NAALADL2: variants seen among roughly 807,000 people sequenced by gnomAD.
NAALADL2 encodes N-acetylated alpha-linked acidic dipeptidase like 2.
A neutral mutation model predicts 87.2 loss-of-function variants in NAALADL2; 76 were observed. That is an observed-to-expected ratio of 0.87 (90% CI 0.72 to 1.05). The LOEUF (loss-of-function observed/expected upper bound fraction) is 1.05, where lower values mean the gene tolerates loss of function less well. Among genes scored for constraint, NAALADL2 ranks in the 50% least tolerant of loss-of-function variants. The pLI is 0.00. For missense variants in NAALADL2, 1,089 were observed against 945.8 expected (o/e 1.15, Z -1.99); for synonymous variants, 354 against 331.0 (o/e 1.07, Z -0.75).
chr3:175,154,864 C>T (rs1732067277), intron 2 of NAALADL2, among the ~76,000 whole-genome samples: 1 of 152,014 alleles, frequency 6.6e-6, no homozygotes, highest in African/African-American at 2.4e-5. Context: ...GGATTTGTAG[C>T]AAATCACAGT....
chr3:174,447,002 AC>A (rs1436069752), intron 1 of NAALADL2, among the ~76,000 whole-genome samples: 3 of 152,128 alleles, frequency 2.0e-5, no homozygotes, highest in Non-Finnish European at 2.9e-5. Context: ...AAAAATAATA[AC>A]AAGGTATCTT....
At chr3:175,498,795 CA>C (rs938009553) in intron 9 of NAALADL2, among the ~76,000 whole-genome samples, 6 of 152,046 alleles carry the variant, frequency 3.9e-5, no homozygotes, top group African/African-American at 1.4e-4. Context: ...TCCTAACCCA[CA>C]GTACCCCAGA....
At chr3:174,598,271 G>C (rs1718109532) in intron 2 of NAALADL2, among the ~76,000 whole-genome samples, 1 of 152,036 alleles carries the variant, frequency 6.6e-6, no homozygotes, top group South Asian at 2.1e-4. Flanking sequence ...ATTTTTAAAA[G>C]GTCTGGTCAT....
intron 2 of NAALADL2, among the ~76,000 whole-genome samples, chr3:174,718,127 A>G (rs1239096220): frequency 6.6e-6 from 1 of 152,160 alleles, no homozygotes; most frequent in African/African-American, 2.4e-5. Flanking sequence ...AAACAAACAA[A>G]CAAACAAAAA....
chr3:175,262,575 AGTGTGTGTGT>A (rs71164625), intron 4 of NAALADL2, among the ~76,000 whole-genome samples: 42 of 147,116 alleles, frequency 2.9e-4, no homozygotes, highest in Admixed American at 1.7e-3. Flanking sequence ...ATGTTGTGTG[AGTGTGTGTGT>A]GTGTGTGTGT....
intron 2 of NAALADL2, among the ~76,000 whole-genome samples, chr3:174,725,752 AT>A (rs1184618411): frequency 6.6e-6 from 1 of 152,224 alleles, no homozygotes. Flanking sequence ...TGCCAGAAAC[AT>A]TTCAGAAATG....
At chr3:175,113,058 C>CT (rs1724474924) in intron 2 of NAALADL2, among the ~76,000 whole-genome samples, 1 of 151,534 alleles carries the variant, frequency 6.6e-6, no homozygotes, top group South Asian at 2.1e-4. Context: ...AAAATATCAG[C>CT]TTTCAGAAGT....
intron 2 of NAALADL2, among the ~76,000 whole-genome samples, chr3:175,228,279 C>T (rs1307902694): frequency 1.3e-5 from 2 of 151,896 alleles, no homozygotes; most frequent in Admixed American, 1.3e-4. Flanking sequence ...GTGGAAGAAA[C>T]AGCTTAGGCC....
chr3:175,276,297 A>ATTTT (rs10645974), intron 4 of NAALADL2, among the ~76,000 whole-genome samples: 67 of 133,548 alleles, frequency 5.0e-4, no homozygotes, highest in African/African-American at 8.8e-4. Context: ...CGCTTTGCAA[A>ATTTT]TTTTTTTTTT....
intron 1 of NAALADL2, among the ~76,000 whole-genome samples, chr3:174,972,116 A>G (rs1478523207): frequency 6.6e-6 from 1 of 152,074 alleles, no homozygotes; most frequent in Admixed American, 6.5e-5. Flanking sequence ...TCTTACTCAC[A>G]GAAACTTTTC....
At chr3:174,942,984 T>C (rs1191846850) in intron 1 of NAALADL2, among the ~76,000 whole-genome samples, 1 of 152,224 alleles carries the variant, frequency 6.6e-6, no homozygotes, top group Non-Finnish European at 1.5e-5. Context: ...GCTGTCCTCC[T>C]AAATCTCAAT....
chr3:175,392,496 C>A (rs2149026394), intron 5 of NAALADL2, among the ~76,000 whole-genome samples: 1 of 152,260 alleles, frequency 6.6e-6, no homozygotes, highest in South Asian at 2.1e-4. Flanking sequence ...CCCTAAAGAA[C>A]ACCTATACCT....
At chr3:175,505,224 C>G (rs2149379593) in intron 9 of NAALADL2, among the ~76,000 whole-genome samples, 1 of 151,054 alleles carries the variant, frequency 6.6e-6, no homozygotes, top group East Asian at 2.0e-4. Context: ...ATGATCCTGC[C>G]ACTGCATCCA....
At chr3:174,756,063 G>T (rs1712023670) in intron 3 of NAALADL2, among the ~76,000 whole-genome samples, 1 of 152,210 alleles carries the variant, frequency 6.6e-6, no homozygotes, top group Admixed American at 6.5e-5. Context: ...ATCAGCGGGA[G>T]ACTGAAGTAG....
rs112253105 is a variant in NAALADL2, at chr3:175,263,487, G to A, written c.939+6957G>A. Among the ~76,000 whole-genome samples, 615 of 151,886 alleles carry A rather than the reference G, an allele frequency of 4.0e-3. 6 individuals are homozygous for A. The highest frequency in any genetic ancestry group is 0.014 in the African/African-American group (584 of 41,492). On this transcript the variant is annotated intron_variant, in intron 4 of 13. Transcript: ENST00000454872. ...AATTTAGAAGTCATGCATGTGTTTTGCCTACATGAAAATATAATTTAATTG... is the reference window on the plus strand; with the variant it reads ...AATTTAGAAGTCATGCATGTGTTTTACCTACATGAAAATATAATTTAATTG...
At chr3:175,059,740 A>C in intron 1 of NAALADL2, 1 of 299,824 alleles carries the variant, frequency 3.3e-6, no homozygotes. Flanking sequence ...TGTCATCATC[A>C]TCTTTACTAT....
chr3:174,822,453 A>G (rs145213642), intron 3 of NAALADL2, among the ~76,000 whole-genome samples: 10 of 152,316 alleles, frequency 6.6e-5, no homozygotes, highest in African/African-American at 1.9e-4. Context: ...TATAAAAATC[A>G]ACAGGGTTGA....
At chr3:174,673,887 A>G (rs1726797239) in intron 2 of NAALADL2, among the ~76,000 whole-genome samples, 1 of 152,110 alleles carries the variant, frequency 6.6e-6, no homozygotes, top group Non-Finnish European at 1.5e-5. Flanking sequence ...TACACAATGT[A>G]TGCATGTATC....
At chr3:174,731,523 T>A (rs1732705594) in intron 2 of NAALADL2, among the ~76,000 whole-genome samples, 1 of 152,112 alleles carries the variant, frequency 6.6e-6, no homozygotes. Context: ...ACTTAGAATA[T>A]CTTTAAAGAA....
Sources: gnomAD v4.1 joint callset for allele counts (sites outside exome capture counted in the v4.1 genomes callset) on GRCh38, gnomAD v4.1.1 for gene constraint, MANE v1.5 for transcripts, NCBI Gene and HGNC (gene_info 2026-07-23, HGNC 2026-07-21) for gene names.